The following GALNT18 variants were observed in gnomAD, a reference collection of about 807,000 sequenced individuals.
GALNT18 encodes GalNAc-transferase 18.
GALNT18 carries 44 observed loss-of-function variants against 69.5 expected under a neutral mutation model. That is an observed-to-expected ratio of 0.63 (90% CI 0.50 to 0.81). GALNT18 has a LOEUF of 0.81. Ranked by LOEUF, GALNT18 falls within the 40% of genes least tolerant of loss-of-function variation. GALNT18 has a pLI of 0.00. For synonymous variants in GALNT18, 364 were observed against 318.2 expected (o/e 1.14, Z -1.53); for missense variants, 715 against 810.0 (o/e 0.88, Z 1.42).
intron 1 of GALNT18, among the ~76,000 whole-genome samples, chr11:11,560,894 C>G (rs1858489053): frequency 1.3e-5 from 2 of 152,194 alleles, no homozygotes; most frequent in South Asian, 4.1e-4. Flanking sequence ...TGCCACAACT[C>G]TGCCACTGGG....
In GALNT18 at chr11:11,497,253, T is replaced by C. The variant is rs1185757688; in HGVS notation, c.236-48317A>G. 1.3e-5 allele frequency among the ~76,000 whole-genome samples: 2 copies of C among 151,866 alleles called. No homozygotes were observed. Among genetic ancestry groups the C allele is most frequent in the African/African-American group, 4.8e-5 (2 of 41,302 alleles). Reference sequence around the variant, plus strand: ...TCAGTCCCTCTACCAAAGCCTTGTGTCCTGTTTTCCTCATAGCATATACCA... The same window carrying C: ...TCAGTCCCTCTACCAAAGCCTTGTGCCCTGTTTTCCTCATAGCATATACCA... On this transcript the variant is annotated intron_variant, in intron 1 of 10. Coordinates refer to ENST00000227756, the MANE Select transcript of GALNT18 (RefSeq NM_198516.3). This position sits in a 1 kb window ranked among gnomAD's most constrained non-coding sequence, Gnocchi z 4.2.
intron 1 of GALNT18, among the ~76,000 whole-genome samples, chr11:11,458,403 T>A (rs945109379): frequency 6.6e-5 from 10 of 152,204 alleles, no homozygotes; most frequent in South Asian, 2.1e-4. Flanking sequence ...ATGATTTTTT[T>A]AAAAAAACTT....
At position 11,562,334 on chromosome 11, in the gene GALNT18, C is replaced by A. The variant is rs1478324766; in HGVS notation, c.235+59025G>T. Among the ~76,000 whole-genome samples the A allele has an allele frequency of 1.3e-5, 2 of 152,140 alleles. No homozygotes were observed. Among genetic ancestry groups the A allele is most frequent in the Non-Finnish European group, 2.9e-5 (2 of 68,014 alleles). On this transcript the variant is annotated intron_variant, in intron 1 of 10. Transcript: ENST00000227756. The surrounding 1 kb of genome is among the most constrained non-coding windows in gnomAD (Gnocchi z 4.1). ...GTCTGTCTGCGTGTCCATGTTTCCC[C>A]TTTAGATGTGCACACCCGTCATATT...
At chr11:11,409,430 G>A (rs1414065920) in intron 3 of GALNT18, among the ~76,000 whole-genome samples, 1 of 152,198 alleles carries the variant, frequency 6.6e-6, no homozygotes, top group African/African-American at 2.4e-5. Flanking sequence ...GGCCTGGAGA[G>A]AGTTTGGGAC....
rs1849787302 is a variant in GALNT18 at position 11,318,148 on chromosome 11, AC to A, written c.1512+8937del. Among the ~76,000 whole-genome samples the A allele has an allele frequency of 1.3e-5, 2 of 152,000 alleles. No individual in the cohort carries two copies. Among genetic ancestry groups the A allele is most frequent in the African/African-American group, 2.4e-5 (1 of 41,386 alleles). On this transcript the variant is annotated intron_variant, in intron 9 of 10. Transcript: ENST00000227756. The surrounding 1 kb of genome is among the most constrained non-coding windows in gnomAD (Gnocchi z 5.1). ...GAAATGAGAGAGGAAGTGATGGGAG[AC>A]CCTTTTTGGCCTAGAAAGTGAGAGT...
At chr11:11,295,927 G>C (rs1009307052) in intron 9 of GALNT18, among the ~76,000 whole-genome samples, 1 of 152,166 alleles carries the variant, frequency 6.6e-6, no homozygotes, top group Non-Finnish European at 1.5e-5. Context: ...GAGGTGGTTT[G>C]CTCATCAGAA....
chr11:11,589,586 GT>G (rs79427005), intron 1 of GALNT18, among the ~76,000 whole-genome samples: 50,306 of 148,802 alleles, frequency 0.34, 8,733 homozygotes, highest in African/African-American at 0.43. Context: ...AGTTTTAGGG[GT>G]TTTTTTTTTT....
chr11:11,363,700 C>T (rs1850692857), intron 6 of GALNT18, among the ~76,000 whole-genome samples: 2 of 152,172 alleles, frequency 1.3e-5, no homozygotes, highest in South Asian at 4.1e-4. Context: ...ATTTCTAGCT[C>T]TGACTACTGA....
intron 1 of GALNT18, among the ~76,000 whole-genome samples, chr11:11,489,019 C>G (rs367857087): frequency 1.3e-5 from 2 of 152,204 alleles, no homozygotes; most frequent in South Asian, 4.1e-4. Flanking sequence ...AATTAAGGAG[C>G]AACATTAGAG....
chr11:11,525,915 T>C (rs1167305356), intron 1 of GALNT18, among the ~76,000 whole-genome samples: 1 of 152,138 alleles, frequency 6.6e-6, no homozygotes, highest in African/African-American at 2.4e-5. Flanking sequence ...ATTACACTCA[T>C]GAGCCACCGT....
chr11:11,419,767 C>A (rs1475934904), intron 3 of GALNT18, among the ~76,000 whole-genome samples: 1 of 151,966 alleles, frequency 6.6e-6, no homozygotes, highest in Non-Finnish European at 1.5e-5. Flanking sequence ...TGCAGGCTGC[C>A]TTTACGTCTC....
In GALNT18 at chr11:11,389,792, T is replaced by C. The variant is rs1854140713; in HGVS notation, c.596-10528A>G. 1.3e-5 allele frequency among the ~76,000 whole-genome samples: 2 copies of C among 152,140 alleles called. No homozygotes were observed. Among genetic ancestry groups the C allele is most frequent in the South Asian group, 4.1e-4 (2 of 4,828 alleles). On this transcript the variant is annotated intron_variant, in intron 3 of 10. Coordinates refer to ENST00000227756, the MANE Select transcript of GALNT18 (RefSeq NM_198516.3). The surrounding 1 kb of genome is among the most constrained non-coding windows in gnomAD (Gnocchi z 4.3). ...AGAACAAGCTGTGTGGACGTCCCAC[T>C]GTGCAAAGGGAATTCCAGGAGGCCC...
rs1388276169 is a variant in GALNT18 at position 11,511,594 on chromosome 11, G to C, written c.236-62658C>G. Among the ~76,000 whole-genome samples the C allele has an allele frequency of 6.6e-6, 1 of 152,178 alleles. No individual in the cohort carries two copies. The highest frequency in any genetic ancestry group is 1.9e-4 in the East Asian group (1 of 5,194). ...TGCATACATGTGCACACTGTGTTAT[G>C]GAATGAAAGCTTCTGTTTCCACTAA... On this transcript the variant is annotated intron_variant, in intron 1 of 10. Transcript: ENST00000227756. The surrounding 1 kb of genome is among the most constrained non-coding windows in gnomAD (Gnocchi z 4.9).
chr11:11,509,432 C>T (rs1857127244), intron 1 of GALNT18, among the ~76,000 whole-genome samples: 1 of 152,118 alleles, frequency 6.6e-6, no homozygotes, highest in Admixed American at 6.5e-5. Context: ...GGGAAGGGAG[C>T]ACTGTGATTC....
chr11:11,456,724 T>C (rs1855932648), intron 1 of GALNT18, among the ~76,000 whole-genome samples: 1 of 152,180 alleles, frequency 6.6e-6, no homozygotes, highest in African/African-American at 2.4e-5. Flanking sequence ...GATGGGTTTC[T>C]AGAGACCCAC....
intron 10 of GALNT18, among the ~76,000 whole-genome samples, chr11:11,285,316 CTG>C (rs778800422): frequency 7.2e-5 from 11 of 152,136 alleles, no homozygotes; most frequent in Non-Finnish European, 1.5e-4. Flanking sequence ...GTTTCCTCCT[CTG>C]TAAAACTGGG....
intron 1 of GALNT18, among the ~76,000 whole-genome samples, chr11:11,567,966 TC>T: frequency 6.6e-6 from 1 of 152,126 alleles, no homozygotes; most frequent in Non-Finnish European, 1.5e-5. Context: ...ATAACCCATC[TC>T]CCTTGCCTTG....
chr11:11,271,423 T>C (rs759507655), intron 10 of GALNT18, 133 bp from the exon 11 acceptor site: 25 of 859,654 alleles, frequency 2.9e-5, no homozygotes, highest in Middle Eastern at 2.8e-4. Context: ...AGCATTCCCA[T>C]GAAACTGCAG....
intron 1 of GALNT18, among the ~76,000 whole-genome samples, chr11:11,549,193 T>G (rs1471362567): frequency 1.3e-5 from 2 of 152,122 alleles, no homozygotes; most frequent in Admixed American, 1.3e-4. Flanking sequence ...AGACCACAAA[T>G]CAGAAAGCTC....
Sources: allele counts gnomAD v4.1 joint callset (sites outside exome capture counted in the v4.1 genomes callset), GRCh38; gene constraint gnomAD v4.1.1; non-coding constraint Gnocchi (gnomAD v3.1); transcripts MANE v1.5; gene names NCBI Gene and HGNC (gene_info 2026-07-23, HGNC 2026-07-21).